FGFR1: variants seen among roughly 807,000 people sequenced by gnomAD.
FGFR1 encodes FGFR1/PLAG1 fusion.
A neutral mutation model predicts 93.7 loss-of-function variants in FGFR1; 18 were observed. The ratio of observed to expected loss-of-function variants is 0.19; its 90% CI spans 0.13 to 0.28. The LOEUF is 0.28. FGFR1 is among the 10% of genes least tolerant of loss of function. FGFR1 has a pLI of 1.00. For missense variants in FGFR1, 731 were observed against 1,080.4 expected, an observed-to-expected ratio of 0.68 and a Z score of 4.53; for synonymous variants, 448 against 429.3, an observed-to-expected ratio of 1.04 and a Z score of -0.54.
At chr8:38,430,663 A>G (rs1227060741) in intron 2 of FGFR1, 2 of 152,132 alleles carry the variant, frequency 1.3e-5, no homozygotes, top group Non-Finnish European at 2.9e-5. Context: ...TAAAACCCAC[A>G]CTTGCTCTGG....
chr8:38,460,590 C>T (rs1450652205), intron 1 of FGFR1, among the ~76,000 whole-genome samples: 2 of 152,196 alleles, frequency 1.3e-5, no homozygotes, highest in African/African-American at 4.8e-5. Context: ...ATTCATCTGC[C>T]AGCTTCCCTC....
In FGFR1 at chr8:38,411,224, A is replaced by G. The variant is rs1814327174; in HGVS notation, c.*2404T>C. On this transcript the variant is annotated 3_prime_UTR_variant, in exon 18 of 18. Coordinates refer to ENST00000447712, the MANE Select transcript of FGFR1 (RefSeq NM_023110.3). Reference sequence around the variant, plus strand: ...TGATTTGAGTAGTAACAGCAAGGACATCACTGTAATTATGATAGTGCCTTA... The same window carrying G: ...TGATTTGAGTAGTAACAGCAAGGACGTCACTGTAATTATGATAGTGCCTTA... 4.9e-6 allele frequency: 1 copy of G among 205,526 alleles called. No individual in the cohort carries two copies. 12.7% of individuals were successfully genotyped at this position (205,526 alleles called of 1,614,324 possible).
chr8:38,457,560 A>G (rs2151355023), intron 1 of FGFR1, 26 bp from the exon 2 acceptor site: 1 of 1,553,284 alleles, frequency 6.4e-7, no homozygotes. Context: ...AAACCCCAAA[A>G]GTTAGGAGGG....
intron 1 of FGFR1, chr8:38,463,470 A>C (rs1487822273): frequency 4.7e-6 from 1 of 213,240 alleles, no homozygotes; most frequent in East Asian, 7.0e-5. Flanking sequence ...TATGTTCTTC[A>C]TTCTCTTCTC....
chr8:38,449,577 C>T (rs1055911080), intron 2 of FGFR1, among the ~76,000 whole-genome samples: 4 of 152,210 alleles, frequency 2.6e-5, no homozygotes, highest in Non-Finnish European at 5.9e-5. Context: ...CTACTCTTTG[C>T]GGAACTCCTT....
chr8:38,447,626 T>A (rs1829775004), intron 2 of FGFR1, among the ~76,000 whole-genome samples: 4 of 152,104 alleles, frequency 2.6e-5, no homozygotes, highest in Admixed American at 2.6e-4. Context: ...GGACTACAGG[T>A]GGCCGCCATC....
In FGFR1 at chr8:38,429,790, C is replaced by G. The variant is rs2150959862; in HGVS notation, c.250G>C (p.Glu84Gln). 1.9e-6 allele frequency: 3 copies of G among 1,612,546 alleles called. No homozygotes were observed. Among genetic ancestry groups the G allele is most frequent in the Non-Finnish European group, 2.5e-6 (3 of 1,179,432 alleles). Residue 84 changes from glutamate to glutamine, a missense_variant, in exon 3 of 18, where the codon GAG becomes CAG. Coordinates refer to ENST00000447712, the MANE Select transcript of FGFR1 (RefSeq NM_023110.3). The surrounding 1 kb of genome is among the most constrained non-coding windows in gnomAD (Gnocchi z 4.4). ...ACGGAGTCCTGCACCTCCACCTCCTCCCCTGTGATGCGGGTGCGGTTGCTT... is the reference window on the plus strand; with the variant it reads ...ACGGAGTCCTGCACCTCCACCTCCTGCCCTGTGATGCGGGTGCGGTTGCTT... ...AESNRTRITG[E>Q]EVEVQDSVPA...
chr8:38,441,271 C>T (rs1023106644), intron 2 of FGFR1, among the ~76,000 whole-genome samples: 8 of 152,304 alleles, frequency 5.3e-5, no homozygotes, highest in South Asian at 2.1e-4. Flanking sequence ...CTGATGCCTC[C>T]TTCAAATCTG....
chr8:38,432,914 C>A lies in FGFR1; in HGVS notation c.92-2966G>T, dbSNP rs533070866. 3.6e-5 allele frequency among the ~76,000 whole-genome samples: 5 copies of A among 139,660 alleles called. 1 individual carries two copies. The highest frequency in any genetic ancestry group is 2.3e-4 in the East Asian group (1 of 4,410). The allele number at this position is 139,660 out of a possible 152,430, so 91.6% of individuals were successfully genotyped here. A position where few individuals can be genotyped will look rare whatever the true frequency, so the allele number is the denominator to read the frequency against. The stretch of plus-strand genomic sequence containing the variant: ...GGCTGTCCCTCCCCACCGCGCCCCC[C>A]CCCCTCCCCAGTTGGGATGCTTTCA... On this transcript the variant is annotated intron_variant, in intron 2 of 17. Transcript: ENST00000447712.
chr8:38,452,642 T>C (rs1291991286), intron 2 of FGFR1, among the ~76,000 whole-genome samples: 1 of 151,850 alleles, frequency 6.6e-6, no homozygotes, highest in Non-Finnish European at 1.5e-5. Context: ...GGATTACAGG[T>C]GTGAGCCACT....
chr8:38,455,932 C>A (rs1418941772), intron 2 of FGFR1, among the ~76,000 whole-genome samples: 1 of 152,220 alleles, frequency 6.6e-6, no homozygotes, highest in Non-Finnish European at 1.5e-5. Context: ...TGTGGGCAGA[C>A]ACAGTCTCTC....
chr8:38,463,312 C>G (rs1586803956), intron 1 of FGFR1: 1 of 182,298 alleles, frequency 5.5e-6, no homozygotes, highest in Admixed American at 6.3e-5. Flanking sequence ...CAGCCCTTCC[C>G]TTTTCTCTGA....
Position 38,428,461 on chromosome 8 carries a change from G to C in FGFR1, c.359-26C>G, listed in dbSNP as rs771912003. ...CTATGGGAAGAAGAAGGGGCACTGA[G>C]GTTCCTCCTAGGGACCCCTAGATTT... On this transcript the variant is annotated intron_variant, in intron 3 of 17. Transcript: ENST00000447712. 69 of 1,586,794 alleles carry C rather than the reference G, an allele frequency of 4.3e-5. No homozygotes were observed. The South Asian group carries it at 7.8e-4, about 18-fold the overall frequency.
At chr8:38,423,049 T>C in intron 7 of FGFR1, 1 of 779,726 alleles carries the variant, frequency 1.3e-6, no homozygotes, top group Non-Finnish European at 2.4e-6. Context: ...CTGGTGACAG[T>C]GAGCCACGCA....
At chr8:38,443,792 G>A (rs1472956890) in intron 2 of FGFR1, among the ~76,000 whole-genome samples, 4 of 151,924 alleles carry the variant, frequency 2.6e-5, no homozygotes, top group South Asian at 2.1e-4. Context: ...GGTGGCTCAC[G>A]CCTGTAAACC....
intron 1 of FGFR1, among the ~76,000 whole-genome samples, chr8:38,464,533 T>C (rs1334921539): frequency 6.6e-6 from 1 of 152,030 alleles, no homozygotes; most frequent in East Asian, 1.9e-4. Flanking sequence ...AGAATTTCTG[T>C]TTAAAGTAGA....
At chr8:38,448,134 G>T (rs893946086) in intron 2 of FGFR1, among the ~76,000 whole-genome samples, 2 of 152,112 alleles carry the variant, frequency 1.3e-5, no homozygotes, top group African/African-American at 4.8e-5. Flanking sequence ...TTACATAAAT[G>T]CAAGAAAAAA....
chr8:38,446,205 C>CTTT (rs773129271), intron 2 of FGFR1, among the ~76,000 whole-genome samples: 4 of 127,794 alleles, frequency 3.1e-5, no homozygotes, highest in South Asian at 2.6e-4. Context: ...CCTCTCCCAC[C>CTTT]TTTTTTTTTT....
chr8:38,416,735 G>A (rs570108401), intron 12 of FGFR1, among the ~76,000 whole-genome samples: 7 of 151,746 alleles, frequency 4.6e-5, no homozygotes, highest in East Asian at 1.9e-4. Flanking sequence ...GATTACAGGC[G>A]TGAGCCACTG....
Sources: gnomAD v4.1 joint callset for allele counts (sites outside exome capture counted in the v4.1 genomes callset) on GRCh38, gnomAD v4.1.1 for gene constraint, Gnocchi (gnomAD v3.1) non-coding constraint, MANE v1.5 for transcripts, NCBI Gene and HGNC (gene_info 2026-07-23, HGNC 2026-07-21) for gene names.